The following PXMP4 variants were observed in gnomAD, a reference collection of about 807,000 sequenced individuals.
PXMP4 encodes the protein 24 kDa peroxisomal intrinsic membrane protein.
Under a neutral mutation model 21.6 loss-of-function variants are expected in PXMP4, and 16 were observed. That is an observed-to-expected ratio of 0.74 (90% confidence interval 0.50 to 1.13). The LOEUF (loss-of-function observed/expected upper bound fraction) is 1.13, where lower values mean the gene tolerates loss of function less well. Among genes scored for constraint, PXMP4 ranks in the 50% most tolerant of loss-of-function variants. The pLI is 0.00. For synonymous variants in PXMP4, 127 were observed against 123.8 expected, an observed-to-expected ratio of 1.03 and a Z score of -0.17; for missense variants, 240 against 277.7, an observed-to-expected ratio of 0.86 and a Z score of 0.96.
At chr20:33,715,788 T>C (rs1328316955) in intron 1 of PXMP4, among the ~76,000 whole-genome samples, 1 of 151,668 alleles carries the variant, frequency 6.6e-6, no homozygotes, top group Non-Finnish European at 1.5e-5. Flanking sequence ...CTCAACTGGC[T>C]TTGTGGAATT....
chr20:33,719,948 A>G (rs983750298), intron 1 of PXMP4, 147 bp downstream of exon 1: 3 of 737,694 alleles, frequency 4.1e-6, no homozygotes, highest in Non-Finnish European at 6.6e-6. Context: ...TCCAGCTCCC[A>G]TTGCACAGAT....
chr20:33,709,451 T>TATAC, intron 3 of PXMP4, among the ~76,000 whole-genome samples: 1 of 152,290 alleles, frequency 6.6e-6, no homozygotes, highest in Admixed American at 6.5e-5. Context: ...ATGAAAACCT[T>TATAC]ACTTCAGGGT....
At chr20:33,715,447 CAG>C (rs2018372966) in intron 1 of PXMP4, among the ~76,000 whole-genome samples, 1 of 151,776 alleles carries the variant, frequency 6.6e-6, no homozygotes, top group Non-Finnish European at 1.5e-5. Flanking sequence ...TTTTCTGAGA[CAG>C]AGTCTCTCTC....
chr20:33,717,121 C>T (rs1174012247), intron 1 of PXMP4, among the ~76,000 whole-genome samples: 1 of 151,768 alleles, frequency 6.6e-6, no homozygotes, highest in Non-Finnish European at 1.5e-5. Context: ...GAGGCTGCAG[C>T]GAGTTAAGAT....
intron 2 of PXMP4, among the ~76,000 whole-genome samples, chr20:33,711,125 G>A (rs2626528): frequency 0.54 from 81,879 of 152,032 alleles, 22,696 homozygotes; most frequent in East Asian, 0.8. Context: ...GGCTTGGCAC[G>A]TAGTAGGTGC....
chr20:33,719,838 G>A (rs1010876860), intron 1 of PXMP4, among the ~76,000 whole-genome samples: 1 of 152,260 alleles, frequency 6.6e-6, no homozygotes, highest in African/African-American at 2.4e-5. Context: ...GCTGGCATGG[G>A]AGGAGTCAAA....
At chr20:33,712,806 T>C (rs2018344345) in intron 2 of PXMP4, among the ~76,000 whole-genome samples, 1 of 152,210 alleles carries the variant, frequency 6.6e-6, no homozygotes, top group Non-Finnish European at 1.5e-5. Context: ...AATTTTTGTA[T>C]TTTTAGTAGA....
chr20:33,704,496 A>G lies in PXMP4; in HGVS notation c.*3210T>C, dbSNP rs777952935. On this transcript the variant is annotated 3_prime_UTR_variant, in exon 4 of 4. Coordinates refer to ENST00000409299, the MANE Select transcript of PXMP4 (RefSeq NM_007238.5). ...TGCGTGGCCTGGTTCCGAACAGGCC[A>G]TGGACCGGTACCGGGGTTGCGGACC... The G allele has an allele frequency of 1.3e-5, 2 of 152,248 alleles. No homozygotes were observed. Among genetic ancestry groups the G allele is most frequent in the East Asian group, 3.8e-4 (2 of 5,196 alleles). 9.4% of individuals were successfully genotyped at this position (152,248 alleles called of 1,614,324 possible). A position where few individuals can be genotyped will look rare whatever the true frequency, so the allele number is the denominator to read the frequency against.
rs10666719 is a variant in PXMP4 at position 33,717,639 on chromosome 20, C to CAAAAAAAAAAA, written c.113+2445_113+2455dup. Among the ~76,000 whole-genome samples, 77 of 56,520 alleles carry CAAAAAAAAAAA rather than the reference C, an allele frequency of 1.4e-3. 1 individual carries two copies. Among genetic ancestry groups the CAAAAAAAAAAA allele is most frequent in the African/African-American group, 5.8e-3 (69 of 11,798 alleles). 37.1% of individuals were successfully genotyped at this position (56,520 alleles called of 152,430 possible). A position where few individuals can be genotyped will look rare whatever the true frequency, so the allele number is the denominator to read the frequency against. ...TGGGCGACAGAGCGAGACTCCGTCT[C>CAAAAAAAAAAA]AAAAAAAAAAAAAAAAAAATTATTA... On this transcript the variant is annotated intron_variant, in intron 1 of 3. Coordinates refer to ENST00000409299, the MANE Select transcript of PXMP4 (RefSeq NM_007238.5).
At position 33,705,064 on chromosome 20, in the gene PXMP4, C is replaced by T. The variant is rs1370429449; in HGVS notation, c.*2642G>A. On this transcript the variant is annotated 3_prime_UTR_variant, in exon 4 of 4. Transcript: ENST00000409299. ...AGGCTGAAGTGTAATGGAACTATCTCGGCTCACAGCAGCCCCCCAGGTTCA... is the reference window on the plus strand; with the variant it reads ...AGGCTGAAGTGTAATGGAACTATCTTGGCTCACAGCAGCCCCCCAGGTTCA... The T allele has an allele frequency of 1.0e-4, 15 of 145,148 alleles. No homozygotes were observed. Among genetic ancestry groups the T allele is most frequent in the African/African-American group, 3.3e-4 (13 of 38,860 alleles). 9.0% of individuals were successfully genotyped at this position (145,148 alleles called of 1,614,324 possible).
Position 33,706,389 on chromosome 20 carries a change from C to T in PXMP4, c.*1317G>A, listed in dbSNP as rs963174419. On this transcript the variant is annotated 3_prime_UTR_variant, in exon 4 of 4. Coordinates refer to ENST00000409299, the MANE Select transcript of PXMP4 (RefSeq NM_007238.5). ...GGAAGATTGCTTGAGGCTAGGAGGT[C>T]GAGACTAGCCCTAGTGACAGAGCGA... 3 of 150,574 alleles carry T rather than the reference C, an allele frequency of 2.0e-5. No homozygotes were observed. Among genetic ancestry groups the T allele is most frequent in the Admixed American group, 6.6e-5 (1 of 15,124 alleles). The allele number at this position is 150,574 out of a possible 1,614,324, so 9.3% of individuals were successfully genotyped here. A position where few individuals can be genotyped will look rare whatever the true frequency, so the allele number is the denominator to read the frequency against.
intron 2 of PXMP4, 152 bp from the exon 3 acceptor site, chr20:33,710,905 C>T (rs1040527148): frequency 1.4e-6 from 1 of 736,966 alleles, no homozygotes. Flanking sequence ...TCCCTTGATT[C>T]AGGCCTTGAC....
Position 33,704,562 on chromosome 20 carries a change from G to A in PXMP4, c.*3144C>T, listed in dbSNP as rs2018238224. On this transcript the variant is annotated 3_prime_UTR_variant, in exon 4 of 4. Coordinates refer to ENST00000409299, the MANE Select transcript of PXMP4 (RefSeq NM_007238.5). Reference sequence around the variant, plus strand: ...CATTCAACCTCCACAGCAAGTTAAAGGAACTTCATAATTACCTACTCCAAG... The same window carrying A: ...CATTCAACCTCCACAGCAAGTTAAAAGAACTTCATAATTACCTACTCCAAG... The A allele has an allele frequency of 6.6e-6, 1 of 152,218 alleles. No homozygotes were observed. The highest frequency in any genetic ancestry group is 6.5e-5 in the Admixed American group (1 of 15,280). 9.4% of individuals were successfully genotyped at this position (152,218 alleles called of 1,614,324 possible).
chr20:33,714,721 G>A lies in PXMP4; in HGVS notation c.129C>T (p.Ile43=). The change falls in exon 2 of 4, where the codon ATC becomes ATT. Residue 43 remains isoleucine, a synonymous_variant. Coordinates refer to ENST00000409299, the MANE Select transcript of PXMP4 (RefSeq NM_007238.5). ...FRNGAVYGAK[I]RAPHALVMTF... Reference sequence around the variant, plus strand: ...TCATGACCAGCGCGTGAGGGGCCCGGATTTTGGCTCCATAGCTGTAGAAAC... The same window carrying A: ...TCATGACCAGCGCGTGAGGGGCCCGAATTTTGGCTCCATAGCTGTAGAAAC... 6.2e-7 allele frequency: 1 copy of A among 1,614,050 alleles called. No homozygotes were observed. The highest frequency in any genetic ancestry group is 8.5e-7 in the Non-Finnish European group (1 of 1,179,974).
rs2122574713 is a variant in PXMP4 at position 33,705,003 on chromosome 20, T to TG, written c.*2702_*2703insC. 6.8e-6 allele frequency: 1 copy of TG among 147,832 alleles called. No individual in the cohort carries two copies. The highest frequency in any genetic ancestry group is 2.5e-5 in the African/African-American group (1 of 39,936). The allele number at this position is 147,832 out of a possible 1,614,324, so 9.2% of individuals were successfully genotyped here. On this transcript the variant is annotated 3_prime_UTR_variant, in exon 4 of 4. Coordinates refer to ENST00000409299, the MANE Select transcript of PXMP4 (RefSeq NM_007238.5). ...GTCCAGGATTGTGTTTTTTTTTTTT[T>TG]TTTTTTTTTTGAGACAGAGTCTTAC... is the stretch of plus-strand genomic sequence containing the variant.
At position 33,713,559 on chromosome 20, in the gene PXMP4, C is replaced by G. The variant is rs562968967; in HGVS notation, c.176+1115G>C. Among the ~76,000 whole-genome samples the G allele has an allele frequency of 5.9e-5, 9 of 152,282 alleles. No individual in the cohort carries two copies. In the South Asian group the frequency reaches 1.7e-3, roughly 28 times the overall value. On this transcript the variant is annotated intron_variant, in intron 2 of 3. Coordinates refer to ENST00000409299, the MANE Select transcript of PXMP4 (RefSeq NM_007238.5). ...TTACTATGTTTATTTTCTGCCACCC[C>G]CTGCTAGAATGTCAGCAGGAGTCAC...
Position 33,705,824 on chromosome 20 carries a change from A to G in PXMP4, c.*1882T>C, listed in dbSNP as rs541192311. On this transcript the variant is annotated 3_prime_UTR_variant, in exon 4 of 4. Transcript: ENST00000409299. ...GGCACTGGAAAAAACATGGGCTTTG[A>G]AATCAGACGAATCTGAGTTCAAATC... is the stretch of plus-strand genomic sequence containing the variant. The G allele has an allele frequency of 2.0e-5, 3 of 152,322 alleles. No individual in the cohort carries two copies. Among genetic ancestry groups the G allele is most frequent in the Admixed American group, 2.0e-4 (3 of 15,296 alleles). The allele number at this position is 152,322 out of a possible 1,614,324, so 9.4% of individuals were successfully genotyped here.
At chr20:33,717,788 T>C (rs1416915782) in intron 1 of PXMP4, among the ~76,000 whole-genome samples, 3 of 152,136 alleles carry the variant, frequency 2.0e-5, no homozygotes, top group African/African-American at 7.2e-5. Flanking sequence ...AGACCATGTT[T>C]ACTTTCATTG....
At chr20:33,718,767 T>G (rs2018413703) in intron 1 of PXMP4, among the ~76,000 whole-genome samples, 1 of 152,126 alleles carries the variant, frequency 6.6e-6, no homozygotes, top group African/African-American at 2.4e-5. Context: ...ATCTGGAAAA[T>G]GGGGACAATG....
Sources: gnomAD v4.1 joint callset for allele counts (sites outside exome capture counted in the v4.1 genomes callset) on GRCh38, gnomAD v4.1.1 for gene constraint, MANE v1.5 for transcripts, NCBI Gene and HGNC (gene_info 2026-07-23, HGNC 2026-07-21) for gene names.